Variants in KDM6A observed in about 807,000 individuals in gnomAD.
KDM6A encodes lysine demethylase 6A, also known as lysine-specific demethylase 6A.
Under a neutral mutation model 117.6 loss-of-function variants are expected in KDM6A, and 11 were observed. The ratio of observed to expected loss-of-function variants is 0.09; its 90% CI spans 0.06 to 0.15. The LOEUF (loss-of-function observed/expected upper bound fraction) is 0.15. Among genes scored for constraint, KDM6A ranks in the 10% least tolerant of loss-of-function variants. The pLI, the probability that KDM6A is intolerant of heterozygous loss-of-function variation, is 1.00. For missense variants in KDM6A, 799 were observed against 1,077.3 expected (o/e 0.74, Z 3.62); for synonymous variants, 384 against 396.1 (o/e 0.97, Z 0.36).
Position 44,906,071 on chromosome X carries a change from A to G in KDM6A, c.225+32084A>G, listed in dbSNP as rs780757074. ...TAGATTTTTACTCAAAAATCTTCTCAAAGAAAAGTAAAATTTGATGTCCCT... is the reference window on the plus strand; with the variant it reads ...TAGATTTTTACTCAAAAATCTTCTCGAAGAAAAGTAAAATTTGATGTCCCT... On this transcript the variant is annotated intron_variant, in intron 2 of 29. Transcript: ENST00000611820. Among the ~76,000 whole-genome samples, 4 of 112,108 alleles carry G rather than the reference A, an allele frequency of 3.6e-5. No individual in the cohort carries two copies. The East Asian group carries it at 1.1e-3, about 31-fold the overall frequency.
chrX:45,063,845 G>C (rs1355200236), intron 17 of KDM6A, 28 bp downstream of exon 17: 1 of 1,150,959 alleles, frequency 8.7e-7, no homozygotes, highest in East Asian at 3.1e-5. Flanking sequence ...TTCCTTGTTG[G>C]CTTTTCACAT....
chrX:45,006,929 C>CA (rs1208370380), intron 4 of KDM6A, among the ~76,000 whole-genome samples: 134 of 101,014 alleles, frequency 1.3e-3, no homozygotes, highest in African/African-American at 2.2e-3. Context: ...GACTCTATCT[C>CA]AAAAAAAAAA....
chrX:45,067,041 A>G (rs928706534), intron 17 of KDM6A, among the ~76,000 whole-genome samples: 1 of 112,421 alleles, frequency 8.9e-6, no homozygotes, highest in Non-Finnish European at 1.9e-5. Context: ...CTGTTGATAT[A>G]TGGTATTAAT....
chrX:44,923,428 AT>A lies in KDM6A; in HGVS notation c.226-37847del, dbSNP rs1206154088. On this transcript the variant is annotated intron_variant, in intron 2 of 29. Transcript: ENST00000611820. ...TTCTATCACTTACTGTGCTCTGTTC[AT>A]TTTTTTTTCAGTCTTTTTCTTTGCT... 7.2e-5 allele frequency among the ~76,000 whole-genome samples: 4 copies of A among 55,400 alleles called. No homozygotes were observed. The Admixed American group carries it at 7.8e-4, about 11-fold the overall frequency. The allele number at this position is 55,400 out of a possible 115,157, so 48.1% of individuals were successfully genotyped here. A position where few individuals can be genotyped will look rare whatever the true frequency, so the allele number is the denominator to read the frequency against.
chrX:44,917,846 G>A (rs1350980664), intron 2 of KDM6A, among the ~76,000 whole-genome samples: 1 of 112,050 alleles, frequency 8.9e-6, no homozygotes, highest in Admixed American at 9.5e-5. Context: ...TTTAATCTGA[G>A]TTTTAAAGCT....
At chrX:45,044,645 G>A (rs1409199991) in intron 8 of KDM6A, among the ~76,000 whole-genome samples, 1 of 111,401 alleles carries the variant, frequency 9.0e-6, no homozygotes, top group African/African-American at 3.3e-5. Context: ...TCAAATGATA[G>A]CCAATAATGT....
At chrX:45,049,026 A>G (rs1221933010) in intron 8 of KDM6A, among the ~76,000 whole-genome samples, 1 of 111,426 alleles carries the variant, frequency 9.0e-6, no homozygotes, top group African/African-American at 3.3e-5. Flanking sequence ...TGTTCAGAAC[A>G]TTACCTGTGG....
chrX:44,965,399 A>C (rs183016667), intron 3 of KDM6A, among the ~76,000 whole-genome samples: 2 of 112,361 alleles, frequency 1.8e-5, no homozygotes, highest in Non-Finnish European at 3.8e-5. Flanking sequence ...TCAGCTTTCA[A>C]AGTGCCTTCC....
At chrX:44,917,173 C>T (rs1391545947) in intron 2 of KDM6A, among the ~76,000 whole-genome samples, 2 of 110,016 alleles carry the variant, frequency 1.8e-5, no homozygotes, top group Non-Finnish European at 3.8e-5. Flanking sequence ...TTAACAGGCA[C>T]GTGCCACCAT....
chrX:44,981,975 TG>T (rs1273222764), intron 4 of KDM6A, among the ~76,000 whole-genome samples: 2 of 111,869 alleles, frequency 1.8e-5, no homozygotes, highest in East Asian at 5.6e-4. Context: ...TCCCAGCTAC[TG>T]GGGAGGCTGA....
chrX:45,066,403 G>A (rs893357470), intron 17 of KDM6A, among the ~76,000 whole-genome samples: 6 of 111,436 alleles, frequency 5.4e-5, no homozygotes, highest in African/African-American at 2.0e-4. Flanking sequence ...ATTAGGAGTT[G>A]TTGTCTTGTT....
intron 8 of KDM6A, among the ~76,000 whole-genome samples, chrX:45,041,327 C>T (rs1339313023): frequency 6.8e-5 from 6 of 88,737 alleles, no homozygotes; most frequent in South Asian, 6.6e-4. Context: ...CCCTCCTGGA[C>T]GGGGCGACTG....
At chrX:45,033,623 G>A (rs1334172126) in intron 6 of KDM6A, among the ~76,000 whole-genome samples, 3 of 110,234 alleles carry the variant, frequency 2.7e-5, no homozygotes, top group Non-Finnish European at 5.7e-5. Context: ...GCACACTCTT[G>A]GCTCACTGCA....
At chrX:44,933,361 G>T in intron 2 of KDM6A, among the ~76,000 whole-genome samples, 1 of 100,734 alleles carries the variant, frequency 9.9e-6, no homozygotes, top group Middle Eastern at 5.2e-3. Context: ...TCCGCCTCCT[G>T]GGTTCAAGCG....
intron 8 of KDM6A, among the ~76,000 whole-genome samples, chrX:45,050,936 CTG>C (rs1266941499): frequency 8.1e-5 from 9 of 111,343 alleles, no homozygotes; most frequent in Non-Finnish European, 1.7e-4. Context: ...ATACTAGAAA[CTG>C]TATCTTTAAA....
intron 4 of KDM6A, among the ~76,000 whole-genome samples, chrX:44,975,882 C>T (rs2039594595): frequency 8.9e-6 from 1 of 111,933 alleles, no homozygotes; most frequent in Admixed American, 9.4e-5. Context: ...GGTACACATG[C>T]ACTGGGGGAA....
At chrX:44,973,841 T>C in intron 3 of KDM6A, among the ~76,000 whole-genome samples, 1 of 111,146 alleles carries the variant, frequency 9.0e-6, no homozygotes, top group East Asian at 2.8e-4. Context: ...GCTATCGTAC[T>C]TTAATCTACC....
At chrX:45,102,405 A>G (rs999143200) in intron 27 of KDM6A, among the ~76,000 whole-genome samples, 3 of 112,070 alleles carry the variant, frequency 2.7e-5, no homozygotes, top group African/African-American at 6.5e-5. Context: ...CAAACACAGA[A>G]TTTCAAAATG....
At chrX:45,037,757 C>A (rs2147795626) in intron 8 of KDM6A, 68 bp downstream of exon 8, 1 of 875,015 alleles carries the variant, frequency 1.1e-6, no homozygotes, top group Non-Finnish European at 1.7e-6. Context: ...TCATGCTTTA[C>A]TGAAATCAGA....
Sources: gnomAD v4.1 joint callset for allele counts (sites outside exome capture counted in the v4.1 genomes callset) on GRCh38, gnomAD v4.1.1 for gene constraint, MANE v1.5 for transcripts, NCBI Gene and HGNC (gene_info 2026-07-23, HGNC 2026-07-21) for gene names.